The following TSPAN5 variants were observed in gnomAD, a reference collection of about 807,000 sequenced individuals.
TSPAN5 encodes tetraspanin-5.
In TSPAN5, 10 loss-of-function variants were observed where a neutral mutation model predicts 37.1. That is an observed-to-expected ratio of 0.27 (90% CI 0.17 to 0.46). TSPAN5 has a LOEUF of 0.46. TSPAN5 is among the 20% of genes least tolerant of loss of function. The pLI, the probability that TSPAN5 is intolerant of heterozygous loss-of-function variation, is 1.00. For synonymous variants in TSPAN5, 110 were observed against 118.9 expected, an observed-to-expected ratio of 0.93 and a Z score of 0.48; for missense variants, 195 against 326.6, an observed-to-expected ratio of 0.60 and a Z score of 3.11.
At chr4:98,489,736 C>T in intron 2 of TSPAN5, among the ~76,000 whole-genome samples, 1 of 151,894 alleles carries the variant, frequency 6.6e-6, no homozygotes, top group Non-Finnish European at 1.5e-5. Context: ...GTCTAAGTGC[C>T]CAGGGTTCAT....
chr4:98,614,674 T>C (rs917360699), intron 1 of TSPAN5, among the ~76,000 whole-genome samples: 2 of 152,230 alleles, frequency 1.3e-5, no homozygotes, highest in African/African-American at 4.8e-5. Flanking sequence ...TAACTAATTA[T>C]GCTCTTCATA....
chr4:98,578,573 C>T (rs376259155), intron 1 of TSPAN5, among the ~76,000 whole-genome samples: 19 of 152,242 alleles, frequency 1.2e-4, no homozygotes, highest in African/African-American at 4.6e-4. Flanking sequence ...GCACACACCA[C>T]CACGCCCAGC....
intron 1 of TSPAN5, among the ~76,000 whole-genome samples, chr4:98,627,783 C>T (rs1214138298): frequency 6.6e-6 from 1 of 152,064 alleles, no homozygotes; most frequent in Non-Finnish European, 1.5e-5. Flanking sequence ...ATACTTTTTA[C>T]ACAAAAATAA....
intron 1 of TSPAN5, among the ~76,000 whole-genome samples, chr4:98,538,795 T>G (rs889777397): frequency 6.6e-6 from 1 of 152,250 alleles, no homozygotes; most frequent in African/African-American, 2.4e-5. Flanking sequence ...GTTTGTTGTA[T>G]ACTGATTTTC....
At chr4:98,491,301 A>G (rs973955802) in intron 2 of TSPAN5, among the ~76,000 whole-genome samples, 1 of 152,226 alleles carries the variant, frequency 6.6e-6, no homozygotes, top group South Asian at 2.1e-4. Flanking sequence ...CCCAATGGCC[A>G]GTATTTTTCC....
At chr4:98,541,674 CAAA>C (rs746840547) in intron 1 of TSPAN5, among the ~76,000 whole-genome samples, 6,266 of 103,968 alleles carry the variant, frequency 0.06, 447 homozygotes, top group African/African-American at 0.21. Flanking sequence ...GACTCTGTCT[CAAA>C]AAAAAAAAAA....
At chr4:98,538,614 GT>G (rs1754290458) in intron 1 of TSPAN5, among the ~76,000 whole-genome samples, 1 of 152,192 alleles carries the variant, frequency 6.6e-6, no homozygotes, top group Non-Finnish European at 1.5e-5. Flanking sequence ...CCGTTGCTTG[GT>G]ACATACACAC....
intron 1 of TSPAN5, among the ~76,000 whole-genome samples, chr4:98,512,598 A>C (rs747819348): frequency 6.6e-5 from 10 of 152,142 alleles, no homozygotes; most frequent in Non-Finnish European, 2.9e-5. Context: ...CTCTGGAGGG[A>C]CACATCTGCC....
At chr4:98,529,668 G>A (rs779367012) in intron 1 of TSPAN5, among the ~76,000 whole-genome samples, 2 of 152,170 alleles carry the variant, frequency 1.3e-5, no homozygotes, top group Non-Finnish European at 2.9e-5. Context: ...CCAGAATCCC[G>A]ACCACTCCAA....
chr4:98,643,736 T>C (rs1169473073), intron 1 of TSPAN5, among the ~76,000 whole-genome samples: 2 of 152,224 alleles, frequency 1.3e-5, no homozygotes, highest in African/African-American at 4.8e-5. Flanking sequence ...ATGCCACATA[T>C]AGTTGTATCA....
chr4:98,472,331 T>G lies in TSPAN5; in HGVS notation c.*191A>C. The stretch of plus-strand genomic sequence containing the variant: ...CACGGCGCAACGACTTTCATACTGG[T>G]TATTTTTTTTTTTAATTCTGTCAGT... On this transcript the variant is annotated 3_prime_UTR_variant, in exon 8 of 8. Coordinates refer to ENST00000305798, the MANE Select transcript of TSPAN5 (RefSeq NM_005723.4). 2.1e-6 allele frequency: 1 copy of G among 476,576 alleles called. No individual in the cohort carries two copies. The highest frequency in any genetic ancestry group is 3.3e-5 in the East Asian group (1 of 30,040). The allele number at this position is 476,576 out of a possible 1,614,324, so 29.5% of individuals were successfully genotyped here.
At chr4:98,516,141 C>A (rs1462056371) in intron 1 of TSPAN5, among the ~76,000 whole-genome samples, 5 of 152,202 alleles carry the variant, frequency 3.3e-5, no homozygotes, top group Non-Finnish European at 7.3e-5. Flanking sequence ...ATCTACATCC[C>A]CCTTTCTGAA....
chr4:98,645,303 T>C (rs1757041043), intron 1 of TSPAN5, among the ~76,000 whole-genome samples: 1 of 152,248 alleles, frequency 6.6e-6, no homozygotes. Flanking sequence ...ATTGTCATTA[T>C]ATGCATTTGA....
chr4:98,566,635 A>G (rs988641433), intron 1 of TSPAN5, among the ~76,000 whole-genome samples: 1 of 152,200 alleles, frequency 6.6e-6, no homozygotes, highest in Non-Finnish European at 1.5e-5. Flanking sequence ...CACAAGCGGC[A>G]GGCTTGTTTT....
intron 1 of TSPAN5, among the ~76,000 whole-genome samples, chr4:98,610,761 C>T (rs1756166148): frequency 6.6e-6 from 1 of 152,162 alleles, no homozygotes; most frequent in Admixed American, 6.5e-5. Context: ...TAACAACTCA[C>T]TTAGGGCTGC....
intron 7 of TSPAN5, among the ~76,000 whole-genome samples, chr4:98,475,727 C>T (rs1752678144): frequency 6.6e-6 from 1 of 152,202 alleles, no homozygotes; most frequent in Admixed American, 6.5e-5. Flanking sequence ...CGGTGGATCA[C>T]TCCTGTAATC....
intron 1 of TSPAN5, among the ~76,000 whole-genome samples, chr4:98,612,987 T>C (rs541938214): frequency 4.1e-4 from 62 of 152,350 alleles, no homozygotes; most frequent in African/African-American, 1.3e-3. Flanking sequence ...TTATGGTTTT[T>C]TCCCCCTGCA....
chr4:98,636,153 CAG>C (rs1756853458), intron 1 of TSPAN5, among the ~76,000 whole-genome samples: 1 of 152,178 alleles, frequency 6.6e-6, no homozygotes. Context: ...CGCAAAGCTA[CAG>C]AGTCAAGAAA....
intron 5 of TSPAN5, among the ~76,000 whole-genome samples, chr4:98,478,304 A>G (rs1752751856): frequency 6.6e-6 from 1 of 152,240 alleles, no homozygotes; most frequent in African/African-American, 2.4e-5. Context: ...CAGATGATAC[A>G]GGCAAGTTGC....
Sources: gnomAD v4.1 joint callset for allele counts (sites outside exome capture counted in the v4.1 genomes callset) on GRCh38, gnomAD v4.1.1 for gene constraint, MANE v1.5 for transcripts, NCBI Gene and HGNC (gene_info 2026-07-23, HGNC 2026-07-21) for gene names.